Variants in LDB2 observed in about 807,000 individuals in gnomAD.
LDB2 encodes the protein LIM domain binding 2.
LDB2 carries 12 observed loss-of-function variants against 44.3 expected under a neutral mutation model. The observed-to-expected ratio is 0.27, with a 90% CI of 0.17 to 0.44. LDB2 has a LOEUF of 0.44. Among genes scored for constraint, LDB2 ranks in the 20% least tolerant of loss-of-function variants. The pLI is 1.00. For synonymous variants in LDB2, 164 were observed against 174.8 expected, an observed-to-expected ratio of 0.94 and a Z score of 0.49; for missense variants, 344 against 473.5, an observed-to-expected ratio of 0.73 and a Z score of 2.54.
intron 2 of LDB2, among the ~76,000 whole-genome samples, chr4:16,646,837 T>C (rs1320698273): frequency 6.6e-6 from 1 of 152,196 alleles, no homozygotes; most frequent in African/African-American, 2.4e-5. Flanking sequence ...CAATGGTCAA[T>C]ATATCAGATA....
At chr4:16,888,607 T>TGCAG in intron 1 of LDB2, 1 of 481,310 alleles carries the variant, frequency 2.1e-6, no homozygotes, top group South Asian at 8.8e-5. Flanking sequence ...AATATGCTAG[T>TGCAG]GCAGGCATGT....
At chr4:16,893,046 A>T (rs1219590777) in intron 1 of LDB2, 2 of 940,040 alleles carry the variant, frequency 2.1e-6, no homozygotes, top group Admixed American at 1.2e-4. Context: ...ACTTCAAGAA[A>T]ATAAAATCAG....
intron 2 of LDB2, among the ~76,000 whole-genome samples, chr4:16,672,695 C>G (rs1342306284): frequency 1.3e-5 from 2 of 151,708 alleles, no homozygotes; most frequent in African/African-American, 2.4e-5. Context: ...GCCTGCGGAT[C>G]TCTAATTAAA....
At chr4:16,737,132 A>G (rs1327232788) in intron 2 of LDB2, among the ~76,000 whole-genome samples, 1 of 152,226 alleles carries the variant, frequency 6.6e-6, no homozygotes, top group Non-Finnish European at 1.5e-5. Flanking sequence ...TAGGAGTTTA[A>G]ATTGATACCA....
chr4:16,737,404 AT>A (rs1561046252), intron 2 of LDB2, among the ~76,000 whole-genome samples: 1 of 152,126 alleles, frequency 6.6e-6, no homozygotes, highest in Non-Finnish European at 1.5e-5. Flanking sequence ...TAAAACAGTA[AT>A]TTAAATTTTT....
intron 1 of LDB2, among the ~76,000 whole-genome samples, chr4:16,799,723 T>C (rs1453627847): frequency 6.6e-6 from 1 of 152,206 alleles, no homozygotes; most frequent in Non-Finnish European, 1.5e-5. Flanking sequence ...AATACACAGC[T>C]ACACCTTTTG....
In LDB2 at chr4:16,721,737, C is replaced by T. The variant is rs138990530; in HGVS notation, c.235+37421G>A. On this transcript the variant is annotated intron_variant, in intron 2 of 7. Coordinates refer to ENST00000304523, the MANE Select transcript of LDB2 (RefSeq NM_001290.5). ...AACCACAGAGGAAGTCTCCTTGTCT[C>T]ATCTTGACACTAAAACTACCCAGTT... Among the ~76,000 whole-genome samples, 768 of 152,204 alleles carry T rather than the reference C, an allele frequency of 5.0e-3. 2 individuals carry two copies. The highest frequency in any genetic ancestry group is 7.9e-3 in the Non-Finnish European group (540 of 68,012).
chr4:16,807,931 TA>T (rs1415729473), intron 1 of LDB2, among the ~76,000 whole-genome samples: 1 of 152,196 alleles, frequency 6.6e-6, no homozygotes, highest in Non-Finnish European at 1.5e-5. Context: ...TGTTAGAATT[TA>T]AATATTTAAA....
chr4:16,807,888 A>C (rs771960611), intron 1 of LDB2, among the ~76,000 whole-genome samples: 11 of 152,230 alleles, frequency 7.2e-5, no homozygotes, highest in Non-Finnish European at 2.9e-5. Flanking sequence ...AAGAGTACTT[A>C]GGAAGTGTAT....
chr4:16,832,922 G>A (rs1223467649), intron 1 of LDB2, among the ~76,000 whole-genome samples: 1 of 152,042 alleles, frequency 6.6e-6, no homozygotes, highest in East Asian at 1.9e-4. Context: ...ATAAATTGAG[G>A]GACTCAGAAT....
intron 1 of LDB2, among the ~76,000 whole-genome samples, chr4:16,858,532 T>TA (rs765093487): frequency 6.6e-6 from 1 of 152,160 alleles, no homozygotes; most frequent in Non-Finnish European, 1.5e-5. Flanking sequence ...GGAAGGGTGT[T>TA]TGCTAAGTCC....
At chr4:16,779,610 A>C (rs1772721974) in intron 1 of LDB2, among the ~76,000 whole-genome samples, 1 of 152,192 alleles carries the variant, frequency 6.6e-6, no homozygotes, top group East Asian at 1.9e-4. Context: ...CTGCGTCCTC[A>C]TATATTTGAA....
chr4:16,756,449 T>C lies in LDB2; in HGVS notation c.235+2709A>G, dbSNP rs1412993190. On this transcript the variant is annotated intron_variant, in intron 2 of 7. Transcript: ENST00000304523. ...GCCTGGGTGACAGAGTGAGACTCTG[T>C]CTCAAAAAAAGAAAAAAAGATCAGA... Among the ~76,000 whole-genome samples, 8 of 152,124 alleles carry C rather than the reference T, an allele frequency of 5.3e-5. No individual in the cohort carries two copies. The East Asian group carries it at 1.2e-3, about 22-fold the overall frequency.
intron 2 of LDB2, among the ~76,000 whole-genome samples, chr4:16,628,555 C>G (rs1490743623): frequency 6.6e-6 from 1 of 151,996 alleles, no homozygotes; most frequent in South Asian, 2.1e-4. Flanking sequence ...TACCCGTCCT[C>G]TGGTGAGTTA....
At chr4:16,615,513 C>T (rs1379571144) in intron 2 of LDB2, among the ~76,000 whole-genome samples, 1 of 152,030 alleles carries the variant, frequency 6.6e-6, no homozygotes, top group Non-Finnish European at 1.5e-5. Context: ...GAACAGAAAA[C>T]CAAACACCAC....
chr4:16,780,294 C>A (rs1772902373), intron 1 of LDB2, among the ~76,000 whole-genome samples: 1 of 152,116 alleles, frequency 6.6e-6, no homozygotes, highest in Non-Finnish European at 1.5e-5. Context: ...GTGATCTCAG[C>A]TCACTGCAAC....
chr4:16,584,113 CA>C (rs1243920850), intron 5 of LDB2, among the ~76,000 whole-genome samples: 1 of 152,158 alleles, frequency 6.6e-6, no homozygotes, highest in Non-Finnish European at 1.5e-5. Flanking sequence ...TACGTGGCTC[CA>C]GCACATCAAA....
At chr4:16,577,343 A>G (rs1455004622) in intron 5 of LDB2, among the ~76,000 whole-genome samples, 2 of 152,236 alleles carry the variant, frequency 1.3e-5, no homozygotes, top group Non-Finnish European at 2.9e-5. Flanking sequence ...GACTCCACCA[A>G]AAAACTATTA....
intron 2 of LDB2, among the ~76,000 whole-genome samples, chr4:16,673,532 G>A (rs1745466098): frequency 6.6e-6 from 1 of 152,154 alleles, no homozygotes. Flanking sequence ...ATTTTCGCTA[G>A]CTCTGAAAAT....
Sources: gnomAD v4.1 joint callset for allele counts (sites outside exome capture counted in the v4.1 genomes callset) on GRCh38, gnomAD v4.1.1 for gene constraint, MANE v1.5 for transcripts, NCBI Gene and HGNC (gene_info 2026-07-23, HGNC 2026-07-21) for gene names.